AKT3: variants seen among roughly 807,000 people sequenced by gnomAD.
AKT3 encodes the protein AKT serine/threonine kinase 3.
Under a neutral mutation model 65.3 loss-of-function variants are expected in AKT3, and 15 were observed. That is an observed-to-expected ratio of 0.23 (90% CI 0.15 to 0.35). The LOEUF is 0.35. AKT3 is among the 10% of genes least tolerant of loss of function. AKT3 has a pLI of 1.00. For synonymous variants in AKT3, 206 were observed against 183.8 expected (o/e 1.12, Z -0.98); for missense variants, 243 against 576.5 (o/e 0.42, Z 5.92).
chr1:243,656,249 C>T (rs984959494), intron 4 of AKT3, among the ~76,000 whole-genome samples: 125 of 152,152 alleles, frequency 8.2e-4, no homozygotes, highest in Non-Finnish European at 1.3e-3. Flanking sequence ...CCCTATGAAA[C>T]AAGTACATTA....
chr1:243,492,827 G>A (rs868587663), intron 13 of AKT3, among the ~76,000 whole-genome samples: 3 of 151,842 alleles, frequency 2.0e-5, no homozygotes, highest in South Asian at 2.1e-4. Flanking sequence ...GGCTGGTCTC[G>A]AACTCCTGAC....
At chr1:243,808,383 G>A (rs1692892772) in intron 2 of AKT3, 1 of 152,198 alleles carries the variant, frequency 6.6e-6, no homozygotes, top group African/African-American at 2.4e-5. Flanking sequence ...CGTGACGAAT[G>A]CACAAGCTTC....
At chr1:243,826,688 T>C (rs575275989) in intron 2 of AKT3, among the ~76,000 whole-genome samples, 3 of 152,304 alleles carry the variant, frequency 2.0e-5, no homozygotes, top group African/African-American at 7.2e-5. Flanking sequence ...CTCTGATGAT[T>C]CTATCCTGAT....
rs532780214 is a variant in AKT3, at chr1:243,695,259, C to T, written c.172+332G>A. Among the ~76,000 whole-genome samples the T allele has an allele frequency of 2.2e-3, 339 of 152,018 alleles. 1 individual carries two copies. The highest frequency in any genetic ancestry group is 7.9e-3 in the African/African-American group (327 of 41,556). On this transcript the variant is annotated intron_variant, in intron 3 of 13. Coordinates refer to ENST00000673466, the MANE Select transcript of AKT3 (RefSeq NM_005465.7). ...ACTGATTAAAGTGCATTAAGTACCACAACATCTTATAATCATGCTAAATCT... is the reference window on the plus strand; with the variant it reads ...ACTGATTAAAGTGCATTAAGTACCATAACATCTTATAATCATGCTAAATCT...
rs545811381 is a variant in AKT3 at position 243,539,265 on chromosome 1, A to C, written c.1251+6245T>G. ...CTTAACATGAAGACAACGAGGAGGA[A>C]GACCTTTACGATAATCCACTTCCAC... On this transcript the variant is annotated intron_variant, in intron 12 of 13. Transcript: ENST00000673466. Among the ~76,000 whole-genome samples the C allele has an allele frequency of 1.6e-3, 238 of 152,280 alleles. 2 individuals carry two copies. The highest frequency in any genetic ancestry group is 9.6e-4 in the East Asian group (5 of 5,192).
At chr1:243,798,411 T>TTG (rs1358962700) in intron 2 of AKT3, among the ~76,000 whole-genome samples, 4 of 136,582 alleles carry the variant, frequency 2.9e-5, no homozygotes, top group Non-Finnish European at 3.2e-5. Context: ...TTTTTTTTTT[T>TTG]TTTTTTGTTT....
rs192084128 is a variant in AKT3 at position 243,611,242 on chromosome 1, C to T, written c.696+2429G>A. On this transcript the variant is annotated intron_variant, in intron 8 of 13. Transcript: ENST00000673466. ...ACACATACATTACTTTAAAAGCTTACGAAAAACTGTTTCAAAACCAAATTT... is the reference window on the plus strand; with the variant it reads ...ACACATACATTACTTTAAAAGCTTATGAAAAACTGTTTCAAAACCAAATTT... Among the ~76,000 whole-genome samples the T allele has an allele frequency of 3.9e-4, 59 of 152,242 alleles. 3 individuals are homozygous for T. The South Asian group carries it at 0.01, about 26-fold the overall frequency.
At chr1:243,667,539 T>A (rs1049538180) in intron 3 of AKT3, among the ~76,000 whole-genome samples, 4 of 152,182 alleles carry the variant, frequency 2.6e-5, no homozygotes, top group African/African-American at 9.6e-5. Flanking sequence ...CAGCTTCTGA[T>A]AACTTCTCAC....
In AKT3 at chr1:243,673,760, G is replaced by A. The variant is rs542746748; in HGVS notation, c.173-8877C>T. Among the ~76,000 whole-genome samples, 614 of 152,004 alleles carry A rather than the reference G, an allele frequency of 4.0e-3. 2 individuals carry two copies. The highest frequency in any genetic ancestry group is 7.1e-3 in the Non-Finnish European group (481 of 67,940). ...CTCCGGAGTAGCGAGGACTACAGGC[G>A]TGCGCCACTAGGCCCAGCTAAGTTT... On this transcript the variant is annotated intron_variant, in intron 3 of 13. Coordinates refer to ENST00000673466, the MANE Select transcript of AKT3 (RefSeq NM_005465.7).
intron 2 of AKT3, among the ~76,000 whole-genome samples, chr1:243,793,808 C>G (rs909687748): frequency 6.6e-6 from 1 of 150,472 alleles, no homozygotes; most frequent in African/African-American, 2.4e-5. Context: ...AGAAAACCGA[C>G]TATTTATTGA....
intron 2 of AKT3, among the ~76,000 whole-genome samples, chr1:243,788,328 GA>G (rs1374857952): frequency 2.0e-5 from 3 of 152,084 alleles, no homozygotes; most frequent in Non-Finnish European, 4.4e-5. Context: ...AAGCTATTCC[GA>G]AATACCAATG....
At chr1:243,678,331 A>G (rs903160273) in intron 3 of AKT3, among the ~76,000 whole-genome samples, 2 of 152,146 alleles carry the variant, frequency 1.3e-5, no homozygotes, top group African/African-American at 2.4e-5. Context: ...AAAAACAATA[A>G]AAACACTTCA....
intron 3 of AKT3, among the ~76,000 whole-genome samples, chr1:243,667,713 C>A (rs908780862): frequency 4.6e-5 from 7 of 152,156 alleles, no homozygotes; most frequent in African/African-American, 1.7e-4. Flanking sequence ...TGTTTCAGTT[C>A]ACTAAGAATA....
intron 6 of AKT3, among the ~76,000 whole-genome samples, chr1:243,621,512 C>G (rs188212525): frequency 6.6e-6 from 1 of 152,096 alleles, no homozygotes; most frequent in Non-Finnish European, 1.5e-5. Context: ...TACACTCTTC[C>G]TTTGGTAAAC....
intron 3 of AKT3, among the ~76,000 whole-genome samples, chr1:243,665,437 T>C (rs1014494741): frequency 6.6e-6 from 1 of 152,184 alleles, no homozygotes; most frequent in African/African-American, 2.4e-5. Flanking sequence ...TATAAGCTTT[T>C]TGACAATATA....
chr1:243,727,281 G>A (rs1333129694), intron 2 of AKT3, among the ~76,000 whole-genome samples: 1 of 152,096 alleles, frequency 6.6e-6, no homozygotes, highest in African/African-American at 2.4e-5. Context: ...AATACCAAAA[G>A]TAAGTTAGTT....
At chr1:243,696,040 T>C (rs1173695333) in intron 2 of AKT3, among the ~76,000 whole-genome samples, 1 of 151,942 alleles carries the variant, frequency 6.6e-6, no homozygotes, top group East Asian at 1.9e-4. Context: ...TTCAGCTGTT[T>C]TAAAAAGCCT....
At chr1:243,703,165 C>T (rs1195348208) in intron 2 of AKT3, 1 of 152,022 alleles carries the variant, frequency 6.6e-6, no homozygotes, top group East Asian at 1.9e-4. Context: ...ATATGAACTA[C>T]CTAAAAGAAT....
chr1:243,616,140 G>A (rs1374004837), intron 6 of AKT3, among the ~76,000 whole-genome samples: 2 of 151,092 alleles, frequency 1.3e-5, no homozygotes, highest in East Asian at 3.9e-4. Context: ...CTGAGATTTT[G>A]GTGCACCCAT....
Sources: allele counts gnomAD v4.1 joint callset (sites outside exome capture counted in the v4.1 genomes callset), GRCh38; gene constraint gnomAD v4.1.1; transcripts MANE v1.5; gene names NCBI Gene and HGNC (gene_info 2026-07-23, HGNC 2026-07-21).